Variants in TENT5D observed in about 807,000 individuals in gnomAD.
TENT5D encodes cancer/testis antigen 112.
For missense variants in TENT5D, 191 were observed against 287.0 expected, an observed-to-expected ratio of 0.67 and a Z score of 2.42; for synonymous variants, 103 against 100.6, an observed-to-expected ratio of 1.02 and a Z score of -0.15.
At chrX:80,397,222 C>T (rs1451945793) in intron 3 of TENT5D, among the ~76,000 whole-genome samples, 8 of 102,883 alleles carry the variant, frequency 7.8e-5, no homozygotes, top group Non-Finnish European at 1.4e-4. Flanking sequence ...ACGGGGCGGC[C>T]GGGCAGAGAC....
At chrX:80,429,502 C>A (rs1391637499) in intron 1 of TENT5D, among the ~76,000 whole-genome samples, 2 of 109,169 alleles carry the variant, frequency 1.8e-5, no homozygotes, top group African/African-American at 6.7e-5. Context: ...AGGGTTTCAC[C>A]ATGTTGGCCA....
chrX:80,411,869 G>A (rs1489890697), intron 3 of TENT5D, among the ~76,000 whole-genome samples: 2 of 111,837 alleles, frequency 1.8e-5, no homozygotes, highest in Non-Finnish European at 3.8e-5. Flanking sequence ...CAAACTGCCA[G>A]TGGAGCTACC....
At chrX:80,372,064 T>A (rs1183510352) in intron 3 of TENT5D, among the ~76,000 whole-genome samples, 2 of 111,522 alleles carry the variant, frequency 1.8e-5, no homozygotes, top group African/African-American at 6.5e-5. Context: ...CCCTGAAGTT[T>A]AAATTACTGA....
At chrX:80,357,875 GAAC>G (rs1930320596) in intron 3 of TENT5D, among the ~76,000 whole-genome samples, 1 of 111,536 alleles carries the variant, frequency 9.0e-6, no homozygotes, top group South Asian at 3.7e-4. Flanking sequence ...TAAGCAAAAC[GAAC>G]AACGCTGGAG....
chrX:80,372,288 C>G (rs1211588002), intron 3 of TENT5D, among the ~76,000 whole-genome samples: 4 of 111,479 alleles, frequency 3.6e-5, no homozygotes, highest in Non-Finnish European at 7.5e-5. Context: ...ATTTGCTATA[C>G]TATGTATTTC....
chrX:80,360,935 A>G (rs1479359678), intron 3 of TENT5D, among the ~76,000 whole-genome samples: 1 of 111,987 alleles, frequency 8.9e-6, no homozygotes, highest in Non-Finnish European at 1.9e-5. Flanking sequence ...CTAGTTTAAC[A>G]CTTCCATTTT....
upstream of TENT5D, among the ~76,000 whole-genome samples, chrX:80,418,491 A>G (rs1931821614): frequency 1.8e-5 from 2 of 111,395 alleles, no homozygotes. Flanking sequence ...ATTGGGAATT[A>G]TGACCTTTGG....
chrX:80,397,299 G>A (rs1200760613), intron 3 of TENT5D, among the ~76,000 whole-genome samples: 2 of 106,417 alleles, frequency 1.9e-5, no homozygotes, highest in African/African-American at 3.5e-5. Flanking sequence ...ACGGGGTGGC[G>A]GGGCAGAGGC....
intron 3 of TENT5D, among the ~76,000 whole-genome samples, chrX:80,375,194 C>T (rs920132660): frequency 9.0e-6 from 1 of 111,339 alleles, no homozygotes; most frequent in Admixed American, 9.7e-5. Context: ...TTCTACCTAT[C>T]TTTCAAAACA....
chrX:80,340,574 A>G (rs747363448), intron 2 of TENT5D, among the ~76,000 whole-genome samples: 7 of 110,789 alleles, frequency 6.3e-5, no homozygotes, highest in Non-Finnish European at 1.3e-4. Context: ...CCCACATTCT[A>G]TGATTTTTGA....
At chrX:80,343,046 A>G (rs867316141) in intron 3 of TENT5D, among the ~76,000 whole-genome samples, 7 of 111,360 alleles carry the variant, frequency 6.3e-5, no homozygotes, top group Non-Finnish European at 1.1e-4. Context: ...CCTATTTTCT[A>G]TACTTTACAC....
chrX:80,436,620 T>G (rs1932189032), intron 1 of TENT5D, among the ~76,000 whole-genome samples: 1 of 110,646 alleles, frequency 9.0e-6, no homozygotes, highest in African/African-American at 3.3e-5. Flanking sequence ...AACTCCCACT[T>G]ATGAGTGAGA....
chrX:80,386,036 C>G (rs1483666595), intron 3 of TENT5D, among the ~76,000 whole-genome samples: 1 of 112,039 alleles, frequency 8.9e-6, no homozygotes, highest in Non-Finnish European at 1.9e-5. Flanking sequence ...GGATCTAGAA[C>G]TAGAAATACC....
At chrX:80,340,587 A>AT (rs757105172) in intron 2 of TENT5D, among the ~76,000 whole-genome samples, 1 of 110,732 alleles carries the variant, frequency 9.0e-6, no homozygotes, top group Non-Finnish European at 1.9e-5. Flanking sequence ...ATTTTTGAAT[A>AT]TTTTTTCTAA....
intron 3 of TENT5D, among the ~76,000 whole-genome samples, chrX:80,368,986 A>G (rs768101342): frequency 4.5e-5 from 5 of 111,890 alleles, no homozygotes; most frequent in Non-Finnish European, 9.4e-5. Context: ...TGTTATTTCA[A>G]TAAGTATTTC....
chrX:80,405,078 T>C (rs770024095), intron 3 of TENT5D, among the ~76,000 whole-genome samples: 59 of 112,070 alleles, frequency 5.3e-4, no homozygotes, highest in African/African-American at 1.6e-3. Context: ...GAAAAAATTA[T>C]ATGAACTGAA....
At chrX:80,415,466 T>A (rs1233395124), upstream of TENT5D, among the ~76,000 whole-genome samples, 1 of 111,697 alleles carries the variant, frequency 9.0e-6, no homozygotes. Context: ...TATTTTGAGA[T>A]ATGTTCCTTC....
At chrX:80,409,559 A>G (rs1931591621) in intron 3 of TENT5D, among the ~76,000 whole-genome samples, 1 of 110,611 alleles carries the variant, frequency 9.0e-6, no homozygotes, top group African/African-American at 3.3e-5. Flanking sequence ...GGACCTCTTC[A>G]AGCAGAACTA....
chrX:80,346,984 A>G (rs1930075966), intron 3 of TENT5D, among the ~76,000 whole-genome samples: 1 of 111,429 alleles, frequency 9.0e-6, no homozygotes, highest in South Asian at 3.8e-4. Context: ...AGCTTCATCC[A>G]TGGCCTTGCA....
Sources: gnomAD v4.1 joint callset for allele counts (sites outside exome capture counted in the v4.1 genomes callset) on GRCh38, gnomAD v4.1.1 for gene constraint, MANE v1.5 for transcripts, NCBI Gene and HGNC (gene_info 2026-07-23, HGNC 2026-07-21) for gene names.